The following GNG7 variants were observed in gnomAD, a reference collection of about 807,000 sequenced individuals.
GNG7 encodes the protein guanine nucleotide-binding protein G(I)/G(S)/G(O) subunit gamma-7.
A neutral mutation model predicts 4.0 loss-of-function variants in GNG7; 1 was observed. The observed-to-expected ratio is 0.25, with a 90% CI of 0.09 to 1.18. The LOEUF (loss-of-function observed/expected upper bound fraction) is 1.18. Among genes scored for constraint, GNG7 ranks in the 50% most tolerant of loss-of-function variants. The pLI is 0.50. For synonymous variants in GNG7, 34 were observed against 36.9 expected, an observed-to-expected ratio of 0.92 and a Z score of 0.29; for missense variants, 86 against 91.9, an observed-to-expected ratio of 0.94 and a Z score of 0.26.
chr19:2,621,400 T>A (rs1329657849), intron 2 of GNG7, among the ~76,000 whole-genome samples: 2 of 147,068 alleles, frequency 1.4e-5, no homozygotes, highest in Non-Finnish European at 3.0e-5. Flanking sequence ...ACACAAAAAA[T>A]TAATTAAAGA....
At chr19:2,616,757 G>A (rs1161194378) in intron 2 of GNG7, among the ~76,000 whole-genome samples, 2 of 151,994 alleles carry the variant, frequency 1.3e-5, no homozygotes, top group Middle Eastern at 3.4e-3. Flanking sequence ...TCCAGCCTGA[G>A]CAAAACCCCA....
At chr19:2,564,203 G>A (rs1344150897) in intron 2 of GNG7, among the ~76,000 whole-genome samples, 5 of 152,182 alleles carry the variant, frequency 3.3e-5, no homozygotes, top group Non-Finnish European at 7.3e-5. Context: ...CTCTGCAGAT[G>A]GAAGATGATA....
chr19:2,513,421 G>T lies in GNG7; in HGVS notation c.*1601C>A. On this transcript the variant is annotated 3_prime_UTR_variant, in exon 5 of 5. Coordinates refer to ENST00000382159, the MANE Select transcript of GNG7 (RefSeq NM_052847.3). ...GGGCTGCGTGGGGTCCATCTCAGGT[G>T]TGGCCGCAGGTGATGCCGGCAGGCC... 1.2e-6 allele frequency: 1 copy of T among 814,800 alleles called. No homozygotes were observed. Among genetic ancestry groups the T allele is most frequent in the Non-Finnish European group, 1.5e-6 (1 of 674,260 alleles). 50.5% of individuals were successfully genotyped at this position (814,800 alleles called of 1,614,324 possible). A position where few individuals can be genotyped will look rare whatever the true frequency, so the allele number is the denominator to read the frequency against.
In GNG7 at chr19:2,518,700, G is replaced by A. The variant is rs576353850; in HGVS notation, c.81+1908C>T. 3.9e-5 allele frequency among the ~76,000 whole-genome samples: 6 copies of A among 152,350 alleles called. No homozygotes were observed. The South Asian group carries it at 1.2e-3, about 32-fold the overall frequency. Reference sequence around the variant, plus strand: ...TGACAAGCTGGTGACAGGTGCTGGAGAGCTGAGTTCTGAGTGGATACGTGG... The same window carrying A: ...TGACAAGCTGGTGACAGGTGCTGGAAAGCTGAGTTCTGAGTGGATACGTGG... On this transcript the variant is annotated intron_variant, in intron 4 of 4. Transcript: ENST00000382159.
chr19:2,550,718 C>T (rs1042414594), intron 3 of GNG7, among the ~76,000 whole-genome samples: 6 of 152,222 alleles, frequency 3.9e-5, no homozygotes, highest in Admixed American at 3.9e-4. Context: ...GCCCCCGGGC[C>T]TTGCCACATC....
chr19:2,674,025 A>T (rs145675312), intron 1 of GNG7, among the ~76,000 whole-genome samples: 1,805 of 152,308 alleles, frequency 0.012, 27 homozygotes, highest in African/African-American at 0.041. Context: ...GCACTTTGGG[A>T]GGCCAAGGTG....
intron 2 of GNG7, among the ~76,000 whole-genome samples, chr19:2,560,852 G>C (rs1453298378): frequency 2.6e-5 from 4 of 151,904 alleles, no homozygotes; most frequent in African/African-American, 9.7e-5. Context: ...AGGTACTCAG[G>C]AGGCTGAGGC....
intron 1 of GNG7, among the ~76,000 whole-genome samples, chr19:2,651,083 G>A (rs1190264938): frequency 6.6e-6 from 1 of 152,178 alleles, no homozygotes; most frequent in Non-Finnish European, 1.5e-5. Context: ...CCGAATGTCA[G>A]CAGGGAGAGA....
intron 2 of GNG7, among the ~76,000 whole-genome samples, chr19:2,596,516 A>C (rs1482402863): frequency 6.6e-6 from 1 of 152,092 alleles, no homozygotes; most frequent in Non-Finnish European, 1.5e-5. Flanking sequence ...AAATTAAAAA[A>C]AAATTAAGCA....
chr19:2,617,972 G>C lies in GNG7; in HGVS notation c.-78+28252C>G, dbSNP rs1010757116. 6.6e-6 allele frequency among the ~76,000 whole-genome samples: 1 copy of C among 151,726 alleles called. No individual in the cohort carries two copies. Among genetic ancestry groups the C allele is most frequent in the Non-Finnish European group, 1.5e-5 (1 of 67,908 alleles). The stretch of plus-strand genomic sequence containing the variant: ...TGGCCTCAAGTGATCCTCCCACCTC[G>C]GCCTCCCAAAGCGCTGAGATTACAG... On this transcript the variant is annotated intron_variant, in intron 2 of 4. Transcript: ENST00000382159. This position sits in a 1 kb window ranked among gnomAD's most constrained non-coding sequence, Gnocchi z 4.7.
intron 1 of GNG7, among the ~76,000 whole-genome samples, chr19:2,673,292 A>AC (rs1983512523): frequency 6.6e-6 from 1 of 151,388 alleles, no homozygotes; most frequent in South Asian, 2.1e-4. Context: ...ACAAAACAAA[A>AC]AAAAACCCAG....
intron 1 of GNG7, among the ~76,000 whole-genome samples, chr19:2,671,735 G>A (rs1413122200): frequency 3.3e-5 from 5 of 152,098 alleles, no homozygotes; most frequent in Non-Finnish European, 7.3e-5. Context: ...GAAGCTGGGA[G>A]ATGTTCTATT....
At chr19:2,687,703 C>T (rs568092128) in intron 1 of GNG7, among the ~76,000 whole-genome samples, 3 of 150,726 alleles carry the variant, frequency 2.0e-5, no homozygotes, top group South Asian at 2.1e-4. Flanking sequence ...ATGCCGGGCG[C>T]GGTGGCTCAC....
At chr19:2,654,628 C>G (rs903589235) in intron 1 of GNG7, among the ~76,000 whole-genome samples, 8 of 152,222 alleles carry the variant, frequency 5.3e-5, no homozygotes. Context: ...AAATCCACAC[C>G]CTGAGTGGGG....
chr19:2,534,792 A>G (rs1477942341), intron 3 of GNG7, among the ~76,000 whole-genome samples: 2 of 152,254 alleles, frequency 1.3e-5, no homozygotes, highest in Non-Finnish European at 2.9e-5. Flanking sequence ...ACCCAAGAGC[A>G]GATGTTTCCA....
intron 2 of GNG7, among the ~76,000 whole-genome samples, chr19:2,565,664 C>G (rs1979883690): frequency 6.6e-6 from 1 of 152,156 alleles, no homozygotes; most frequent in Admixed American, 6.5e-5. Context: ...CTGGGAGAGG[C>G]CCATCCCACC....
chr19:2,568,315 G>GCA (rs1056304834), intron 2 of GNG7, among the ~76,000 whole-genome samples: 3 of 69,350 alleles, frequency 4.3e-5, no homozygotes, highest in Non-Finnish European at 6.5e-5. Context: ...ACATACACAC[G>GCA]CACACACACA....
At chr19:2,563,965 G>A (rs1979823873) in intron 2 of GNG7, among the ~76,000 whole-genome samples, 1 of 150,024 alleles carries the variant, frequency 6.7e-6, no homozygotes, top group Non-Finnish European at 1.5e-5. Context: ...GGTGAAGGTG[G>A]TATTTGGGGG....
chr19:2,686,314 C>G (rs1407264678), intron 1 of GNG7, among the ~76,000 whole-genome samples: 2 of 152,126 alleles, frequency 1.3e-5, no homozygotes, highest in Non-Finnish European at 2.9e-5. Context: ...CCCGCCACCA[C>G]GCCTGGCTAA....
Sources: gnomAD v4.1 joint callset for allele counts (sites outside exome capture counted in the v4.1 genomes callset) on GRCh38, gnomAD v4.1.1 for gene constraint, Gnocchi (gnomAD v3.1) non-coding constraint, MANE v1.5 for transcripts, NCBI Gene and HGNC (gene_info 2026-07-23, HGNC 2026-07-21) for gene names.